The following RIT2 variants were observed in gnomAD, a reference collection of about 807,000 sequenced individuals.
The protein encoded by RIT2 is Ras like without CAAX 2, also known as GTP-binding protein Rit2.
In RIT2, 24 loss-of-function variants were observed where a neutral mutation model predicts 23.7. The observed-to-expected ratio is 1.01, with a 90% confidence interval of 0.73 to 1.43. RIT2 has a LOEUF of 1.43. Among genes scored for constraint, RIT2 ranks in the 40% most tolerant of loss-of-function variants. The pLI is 0.00. For missense variants in RIT2, 236 were observed against 266.9 expected (o/e 0.88, Z 0.81); for synonymous variants, 107 against 91.1 (o/e 1.17, Z -0.99).
chr18:42,941,426 G>A (rs1221359495), intron 3 of RIT2, among the ~76,000 whole-genome samples: 1 of 151,760 alleles, frequency 6.6e-6, no homozygotes, highest in Non-Finnish European at 1.5e-5. Flanking sequence ...TCACAGTCAA[G>A]TCTGTTTTCC....
chr18:42,862,925 T>C (rs1907366323), intron 4 of RIT2, among the ~76,000 whole-genome samples: 1 of 152,190 alleles, frequency 6.6e-6, no homozygotes, highest in South Asian at 2.1e-4. Context: ...TGCCTATGAT[T>C]AGGTAGAGGA....
At chr18:43,036,703 G>A (rs916723941) in intron 1 of RIT2, among the ~76,000 whole-genome samples, 1 of 152,158 alleles carries the variant, frequency 6.6e-6, no homozygotes, top group Non-Finnish European at 1.5e-5. Context: ...CGCTGAGACA[G>A]AATCAAAGCA....
intron 1 of RIT2, among the ~76,000 whole-genome samples, chr18:43,054,588 A>G (rs1390974558): frequency 6.6e-6 from 1 of 151,842 alleles, no homozygotes; most frequent in African/African-American, 2.4e-5. Context: ...AGACAGACTT[A>G]GGATACGCTG....
At chr18:42,822,262 T>C (rs1598668490) in intron 4 of RIT2, among the ~76,000 whole-genome samples, 1 of 152,292 alleles carries the variant, frequency 6.6e-6, no homozygotes, top group Admixed American at 6.5e-5. Context: ...TCTATTCCTT[T>C]TAAAGCTTCT....
chr18:42,912,676 CA>C (rs756365840), intron 4 of RIT2, among the ~76,000 whole-genome samples: 67 of 151,730 alleles, frequency 4.4e-4, no homozygotes, highest in Middle Eastern at 3.2e-3. Flanking sequence ...AATATAATAC[CA>C]TTTCCATTAC....
At chr18:43,093,062 C>T (rs1282884258) in intron 1 of RIT2, among the ~76,000 whole-genome samples, 1 of 151,968 alleles carries the variant, frequency 6.6e-6, no homozygotes, top group Admixed American at 6.6e-5. Flanking sequence ...CAGAGTAAAA[C>T]CACTAACACT....
chr18:42,830,552 TAAG>T (rs1906427100), intron 4 of RIT2, among the ~76,000 whole-genome samples: 2 of 152,138 alleles, frequency 1.3e-5, no homozygotes, highest in South Asian at 2.1e-4. Context: ...CTTGCTGGAT[TAAG>T]AAGATTAAAC....
intron 1 of RIT2, among the ~76,000 whole-genome samples, chr18:43,105,394 C>A (rs1157216015): frequency 7.4e-6 from 1 of 134,542 alleles, no homozygotes; most frequent in African/African-American, 2.8e-5. Flanking sequence ...ACTACTCTTC[C>A]CTATGTTACA....
At chr18:42,929,040 T>TATATATATATATATATATATATAG in intron 3 of RIT2, among the ~76,000 whole-genome samples, 1 of 143,026 alleles carries the variant, frequency 7.0e-6, no homozygotes, top group South Asian at 2.2e-4. Context: ...TGGAGATATA[T>TATATATATATATATATATATATAG]ATATATATAT....
intron 3 of RIT2, among the ~76,000 whole-genome samples, chr18:42,935,740 G>A (rs1339567157): frequency 6.6e-6 from 1 of 152,114 alleles, no homozygotes; most frequent in East Asian, 1.9e-4. Context: ...GAACGAAATG[G>A]TGAAAGTAGG....
chr18:43,055,930 G>A (rs979314289), intron 1 of RIT2, among the ~76,000 whole-genome samples: 1 of 152,060 alleles, frequency 6.6e-6, no homozygotes, highest in African/African-American at 2.4e-5. Flanking sequence ...TAAGGTTACG[G>A]GTTAGCAATA....
chr18:42,928,880 T>C (rs1181031686), intron 3 of RIT2, among the ~76,000 whole-genome samples: 1 of 151,488 alleles, frequency 6.6e-6, no homozygotes, highest in East Asian at 1.9e-4. Flanking sequence ...TTTTTGGTAT[T>C]TGACACATAT....
chr18:43,115,481 G>C lies in RIT2; in HGVS notation c.39C>G (p.Ser13Arg). 6.2e-7 allele frequency: 1 copy of C among 1,613,220 alleles called. No individual in the cohort carries two copies. The highest frequency in any genetic ancestry group is 1.7e-4 in the Middle Eastern group (1 of 6,060). ...VENEASCSPGSASGGSREYKV... is the reference protein window; with the variant it reads ...VENEASCSPGRASGGSREYKV... ...TGTACTCTCTGGACCCGCCTGATGC[G>C]CTGCCCGGGGAGCAGCTGGCTTCAT... Residue 13 changes from serine (S) to arginine (R), a missense_variant, in exon 1 of 5, where the codon AGC (serine) becomes AGG (arginine). Ser to Arg is a moderately radical substitution (Grantham distance 110). Transcript: ENST00000326695.
intron 1 of RIT2, among the ~76,000 whole-genome samples, chr18:43,097,819 C>T (rs867435338): frequency 1.1e-4 from 16 of 151,934 alleles, no homozygotes; most frequent in African/African-American, 3.1e-4. Flanking sequence ...AGTGAACTTG[C>T]CGTTACATAA....
At chr18:42,999,083 C>T (rs889828499) in intron 2 of RIT2, among the ~76,000 whole-genome samples, 3 of 151,946 alleles carry the variant, frequency 2.0e-5, no homozygotes, top group African/African-American at 7.2e-5. Context: ...TCTCCCTACC[C>T]CTTTCCCGTC....
intron 4 of RIT2, among the ~76,000 whole-genome samples, chr18:42,845,427 C>G (rs1016715843): frequency 5.4e-4 from 81 of 150,018 alleles, no homozygotes; most frequent in African/African-American, 1.9e-3. Flanking sequence ...TATTTATGTA[C>G]TATATAATTT....
chr18:42,779,122 T>G (rs1362937706), intron 4 of RIT2, among the ~76,000 whole-genome samples: 1 of 152,182 alleles, frequency 6.6e-6, no homozygotes, highest in Non-Finnish European at 1.5e-5. Flanking sequence ...GTCCTTAATG[T>G]TGTCCTCAGC....
chr18:42,761,902 G>C (rs1327413714), intron 4 of RIT2, among the ~76,000 whole-genome samples: 1 of 152,160 alleles, frequency 6.6e-6, no homozygotes, highest in Non-Finnish European at 1.5e-5. Flanking sequence ...TTCAGCAAAA[G>C]TACCAGTTCC....
chr18:42,978,382 C>T (rs952732374), intron 2 of RIT2, among the ~76,000 whole-genome samples: 4 of 151,760 alleles, frequency 2.6e-5, no homozygotes, highest in Non-Finnish European at 4.4e-5. Context: ...ACCTGCCTGG[C>T]CTCCATAGAA....
Sources: gnomAD v4.1 joint callset for allele counts (sites outside exome capture counted in the v4.1 genomes callset) on GRCh38, gnomAD v4.1.1 for gene constraint, MANE v1.5 for transcripts, NCBI Gene and HGNC (gene_info 2026-07-23, HGNC 2026-07-21) for gene names.